The following FAR2 variants were observed in gnomAD, a reference collection of about 807,000 sequenced individuals.
The protein encoded by FAR2 is fatty acyl-CoA reductase 2, also known as epididymis secretory protein Li 81.
A neutral mutation model predicts 56.0 loss-of-function variants in FAR2; 19 were observed. That is an observed-to-expected ratio of 0.34 (90% CI 0.24 to 0.50). The LOEUF (loss-of-function observed/expected upper bound fraction) is 0.50, where lower values mean the gene tolerates loss of function less well. Among genes scored for constraint, FAR2 ranks in the 20% least tolerant of loss-of-function variants. FAR2 has a pLI of 0.98. For missense variants in FAR2, 508 were observed against 642.2 expected (o/e 0.79, Z 2.26); for synonymous variants, 219 against 218.8 (o/e 1.00, Z -0.01).
At chr12:29,195,196 G>A (rs1459318709) in intron 1 of FAR2, among the ~76,000 whole-genome samples, 3 of 152,204 alleles carry the variant, frequency 2.0e-5, no homozygotes, top group Non-Finnish European at 4.4e-5. Context: ...ACTTTAAACT[G>A]GGTGTCAATA....
chr12:29,196,296 T>A (rs1271811137), intron 1 of FAR2, among the ~76,000 whole-genome samples: 1 of 152,170 alleles, frequency 6.6e-6, no homozygotes, highest in African/African-American at 2.4e-5. Context: ...CTAATTTACA[T>A]TTCCATCAAC....
chr12:29,208,267 C>T (rs551703415), intron 1 of FAR2, among the ~76,000 whole-genome samples: 1 of 152,326 alleles, frequency 6.6e-6, no homozygotes, highest in African/African-American at 2.4e-5. Flanking sequence ...ACCATGGGCA[C>T]TGCTGGTGAC....
chr12:29,248,544 A>T (rs1170924650), intron 1 of FAR2, among the ~76,000 whole-genome samples: 1 of 152,238 alleles, frequency 6.6e-6, no homozygotes, highest in Non-Finnish European at 1.5e-5. Context: ...GGGCGAGATC[A>T]CAGGACCACA....
intron 1 of FAR2, among the ~76,000 whole-genome samples, chr12:29,246,197 T>C (rs1489974823): frequency 6.6e-6 from 1 of 152,158 alleles, no homozygotes; most frequent in Non-Finnish European, 1.5e-5. Flanking sequence ...TATTAATCAT[T>C]GGTATGCTAT....
rs1949776843 is a variant in FAR2 at position 29,334,993 on chromosome 12, G to A, written c.*1199G>A. On this transcript the variant is annotated 3_prime_UTR_variant, in exon 12 of 12. Coordinates refer to ENST00000536681, the MANE Select transcript of FAR2 (RefSeq NM_001271783.2). ...TGTTACACCAACTTTCCTCATATTTGAGAGATGAGTACATGTTGGATTGCA... is the reference window on the plus strand; with the variant it reads ...TGTTACACCAACTTTCCTCATATTTAAGAGATGAGTACATGTTGGATTGCA... 6.6e-6 allele frequency: 1 copy of A among 152,082 alleles called. No individual in the cohort carries two copies. Among genetic ancestry groups the A allele is most frequent in the African/African-American group, 2.4e-5 (1 of 41,402 alleles). 9.4% of individuals were successfully genotyped at this position (152,082 alleles called of 1,614,324 possible). A position where few individuals can be genotyped will look rare whatever the true frequency, so the allele number is the denominator to read the frequency against.
chr12:29,197,382 G>A (rs962321376), intron 1 of FAR2, among the ~76,000 whole-genome samples: 1 of 152,182 alleles, frequency 6.6e-6, no homozygotes, highest in Non-Finnish European at 1.5e-5. Context: ...CTTAGGCAAG[G>A]CTTACAAGGA....
chr12:29,181,896 T>C lies in FAR2; in HGVS notation c.-39+32489T>C, dbSNP rs924880692. The stretch of plus-strand genomic sequence containing the variant: ...AGATTTTTAGGCCTTTGTATTTTTT[T>C]GAGTATAAATGGAGGTTAAAGATGA... On this transcript the variant is annotated intron_variant, in intron 1 of 11. Coordinates refer to ENST00000536681, the MANE Select transcript of FAR2 (RefSeq NM_001271783.2). Among the ~76,000 whole-genome samples the C allele has an allele frequency of 3.9e-5, 6 of 152,248 alleles. No individual in the cohort carries two copies. The East Asian group carries it at 9.6e-4, about 24-fold the overall frequency.
intron 2 of FAR2, among the ~76,000 whole-genome samples, chr12:29,285,747 C>T (rs112378720): frequency 0.042 from 6,401 of 152,012 alleles, 453 homozygotes; most frequent in African/African-American, 0.15. Flanking sequence ...AATGAAACCC[C>T]GTCTCTACTA....
intron 2 of FAR2, among the ~76,000 whole-genome samples, chr12:29,277,077 A>C (rs1044849209): frequency 6.6e-6 from 1 of 152,190 alleles, no homozygotes; most frequent in Non-Finnish European, 1.5e-5. Flanking sequence ...ACCTGGGTTC[A>C]AGCGATTCTC....
intron 1 of FAR2, among the ~76,000 whole-genome samples, chr12:29,189,788 A>T (rs1950084971): frequency 1.3e-5 from 2 of 152,340 alleles, no homozygotes; most frequent in South Asian, 2.1e-4. Flanking sequence ...AACAGCAACA[A>T]AAAGGGATAA....
chr12:29,297,954 T>TGG (rs1429866007), intron 4 of FAR2, among the ~76,000 whole-genome samples: 3 of 149,942 alleles, frequency 2.0e-5, no homozygotes, highest in African/African-American at 7.4e-5. Context: ...GAGAATCGCT[T>TGG]GAACCTGGGA....
At chr12:29,312,039 T>A in intron 8 of FAR2, 89 bp downstream of exon 8, 1 of 911,092 alleles carries the variant, frequency 1.1e-6, no homozygotes, top group Non-Finnish European at 1.7e-6. Context: ...TTAGAGCTTA[T>A]ATGGGGAGAA....
At chr12:29,254,506 A>G (rs767794196) in intron 1 of FAR2, among the ~76,000 whole-genome samples, 8 of 152,160 alleles carry the variant, frequency 5.3e-5, no homozygotes, top group Non-Finnish European at 1.2e-4. Context: ...AGCCTGATAT[A>G]TACATTTTCA....
At chr12:29,184,092 G>A (rs1457325386) in intron 1 of FAR2, among the ~76,000 whole-genome samples, 3 of 152,116 alleles carry the variant, frequency 2.0e-5, no homozygotes. Context: ...TTTATTTTGT[G>A]TTATGTGAAT....
intron 1 of FAR2, among the ~76,000 whole-genome samples, chr12:29,263,412 C>G (rs1164720230): frequency 6.6e-6 from 1 of 152,026 alleles, no homozygotes; most frequent in African/African-American, 2.4e-5. Context: ...CAAAACAGGT[C>G]TTAAAACATT....
intron 1 of FAR2, among the ~76,000 whole-genome samples, chr12:29,253,204 T>C (rs1274493558): frequency 2.0e-5 from 3 of 149,340 alleles, no homozygotes; most frequent in African/African-American, 7.5e-5. Flanking sequence ...TCTATCTAGA[T>C]AGGTATCTAT....
At chr12:29,204,649 C>G (rs1947458657) in intron 1 of FAR2, among the ~76,000 whole-genome samples, 1 of 152,076 alleles carries the variant, frequency 6.6e-6, no homozygotes, top group South Asian at 2.1e-4. Context: ...GTTTGATTGG[C>G]TCACGGTTCT....
intron 8 of FAR2, among the ~76,000 whole-genome samples, 163 bp from the exon 9 acceptor site, chr12:29,316,678 T>C (rs1949455884): frequency 6.6e-6 from 1 of 152,214 alleles, no homozygotes; most frequent in Non-Finnish European, 1.5e-5. Flanking sequence ...CAGATAACCA[T>C]TTGCCCAGCA....
At chr12:29,167,346 G>T (rs911080409) in intron 1 of FAR2, among the ~76,000 whole-genome samples, 5 of 151,998 alleles carry the variant, frequency 3.3e-5, no homozygotes, top group Non-Finnish European at 7.4e-5. Context: ...CCAAAGATCT[G>T]TCTCTGGTTC....
Sources: allele counts gnomAD v4.1 joint callset (sites outside exome capture counted in the v4.1 genomes callset), GRCh38; gene constraint gnomAD v4.1.1; transcripts MANE v1.5; gene names NCBI Gene and HGNC (gene_info 2026-07-23, HGNC 2026-07-21).